Variants in SMARCA2 observed in about 807,000 individuals in gnomAD.
SMARCA2 encodes SWI/SNF related BAF chromatin remodeling complex subunit ATPase 2.
In SMARCA2, 61 loss-of-function variants were observed where a neutral mutation model predicts 199.8. That is an observed-to-expected ratio of 0.31 (90% CI 0.25 to 0.38). The LOEUF (loss-of-function observed/expected upper bound fraction) is 0.38, where lower values mean the gene tolerates loss of function less well. SMARCA2 is among the 10% of genes least tolerant of loss of function. The pLI is 1.00. For missense variants in SMARCA2, 1,344 were observed against 2,012.2 expected (o/e 0.67, Z 6.35); for synonymous variants, 935 against 732.0 (o/e 1.28, Z -4.48).
In SMARCA2 at chr9:2,123,859, G is replaced by A. The variant is rs780788702; in HGVS notation, c.3903G>A (p.Glu1301=). 6.8e-6 allele frequency: 11 copies of A among 1,608,420 alleles called. No individual in the cohort carries two copies. Among genetic ancestry groups the A allele is most frequent in the Non-Finnish European group, 9.3e-6 (11 of 1,177,712 alleles). Reference sequence around the variant, plus strand: ...GGCTCACCTGTGAAGAAGAGGAGGAGAAAATATTTGGGAGGGGGTCCCGCC... The same window carrying A: ...GGCTCACCTGTGAAGAAGAGGAGGAAAAAATATTTGGGAGGGGGTCCCGCC... ...VERLTCEEEE[E]KIFGRGSRQR... The change falls in exon 27 of 34, where the codon GAG becomes GAA. Residue 1301 remains glutamate (E), a synonymous_variant. Coordinates refer to ENST00000349721, the MANE Select transcript of SMARCA2 (RefSeq NM_003070.5). The surrounding 1 kb of genome is among the most constrained non-coding windows in gnomAD (Gnocchi z 4.1).
intron 3 of SMARCA2, among the ~76,000 whole-genome samples, chr9:2,033,574 A>T (rs1466002423): frequency 6.6e-6 from 1 of 152,242 alleles, no homozygotes; most frequent in African/African-American, 2.4e-5. Flanking sequence ...AGGCAGCTTT[A>T]TCTGGCAGTG....
At chr9:2,147,183 A>T (rs964087264) in intron 27 of SMARCA2, among the ~76,000 whole-genome samples, 3 of 151,592 alleles carry the variant, frequency 2.0e-5, no homozygotes, top group Admixed American at 6.6e-5. Flanking sequence ...AACTATTTAG[A>T]AAAAGTACAG....
chr9:2,069,711 A>G (rs1257013869), intron 9 of SMARCA2, among the ~76,000 whole-genome samples: 1 of 152,206 alleles, frequency 6.6e-6, no homozygotes, highest in Non-Finnish European at 1.5e-5. Context: ...ATAAAGTTTT[A>G]TATTATGTTT....
At chr9:2,148,560 A>G (rs554264163) in intron 27 of SMARCA2, among the ~76,000 whole-genome samples, 3 of 151,610 alleles carry the variant, frequency 2.0e-5, no homozygotes, top group East Asian at 3.9e-4. Context: ...TTACATATCT[A>G]TACATGTGCC....
chr9:2,178,987 G>T (rs1003338109), intron 29 of SMARCA2, among the ~76,000 whole-genome samples: 1 of 152,202 alleles, frequency 6.6e-6, no homozygotes, highest in Non-Finnish European at 1.5e-5. Context: ...AGGGGACTGA[G>T]AGTAAGTGTA....
intron 26 of SMARCA2, among the ~76,000 whole-genome samples, chr9:2,121,640 A>C (rs550097164): frequency 1.3e-5 from 2 of 152,350 alleles, no homozygotes; most frequent in East Asian, 3.9e-4. Context: ...CTATAAAATT[A>C]ATGCAAACTT....
chr9:2,175,298 C>G (rs529003259), intron 29 of SMARCA2, among the ~76,000 whole-genome samples: 1 of 149,290 alleles, frequency 6.7e-6, no homozygotes, highest in African/African-American at 2.5e-5. Flanking sequence ...TTTGAAAATG[C>G]TTGTCCCCGC....
intron 21 of SMARCA2, among the ~76,000 whole-genome samples, chr9:2,101,010 G>A (rs897809045): frequency 1.3e-5 from 2 of 152,030 alleles, no homozygotes; most frequent in Non-Finnish European, 1.5e-5. Flanking sequence ...ACGAGATCTC[G>A]TGAGACTTAT....
rs776643837 is a variant in SMARCA2 at position 2,104,196 on chromosome 9, A to C, written c.3292+27A>C. The C allele has an allele frequency of 6.3e-7, 1 of 1,595,894 alleles. No homozygotes were observed. The highest frequency in any genetic ancestry group is 1.7e-5 in the Admixed American group (1 of 58,876). On this transcript the variant is annotated intron_variant, in intron 23 of 33. Coordinates refer to ENST00000349721, the MANE Select transcript of SMARCA2 (RefSeq NM_003070.5). The surrounding 1 kb of genome is among the most constrained non-coding windows in gnomAD (Gnocchi z 4.0). ...TAAGTGCATAAGGCATTAGGCTCGG[A>C]AGCCATACTACTGAAAATGAAGGGA...
At chr9:2,103,707 TGAGA>T (rs1822631354) in intron 22 of SMARCA2, among the ~76,000 whole-genome samples, 1 of 150,896 alleles carries the variant, frequency 6.6e-6, no homozygotes, top group African/African-American at 2.4e-5. Context: ...AAGAATAAGT[TGAGA>T]GAAAGATTGA....
chr9:2,176,863 G>A (rs1318466011), intron 29 of SMARCA2, among the ~76,000 whole-genome samples: 1 of 152,016 alleles, frequency 6.6e-6, no homozygotes, highest in Non-Finnish European at 1.5e-5. Context: ...CCAACATTGG[G>A]GTGATTTTAA....
chr9:2,022,879 C>T (rs1308830901), intron 1 of SMARCA2, among the ~76,000 whole-genome samples: 1 of 152,140 alleles, frequency 6.6e-6, no homozygotes, highest in African/African-American at 2.4e-5. Context: ...TTGTTTTGAC[C>T]AGTTTGCCCA....
intron 12 of SMARCA2, among the ~76,000 whole-genome samples, chr9:2,074,866 T>C (rs1821255998): frequency 6.6e-6 from 1 of 152,178 alleles, no homozygotes; most frequent in Non-Finnish European, 1.5e-5. Flanking sequence ...TCCTGTTTTG[T>C]TGTGTTTTGT....
At chr9:2,019,497 A>C (rs1263574438) in intron 1 of SMARCA2, among the ~76,000 whole-genome samples, 3 of 95,282 alleles carry the variant, frequency 3.1e-5, no homozygotes, top group Admixed American at 3.0e-4. Flanking sequence ...TAGAATTGAC[A>C]AAAAAAAAAA....
Position 2,123,638 on chromosome 9 carries a change from T to G in SMARCA2, c.3763-81T>G, listed in dbSNP as rs1823560571. ...GGACCCTGCAGCCATAGGAAGTGAC[T>G]TGGGGAAGTTGTGTAGTGCTGGGAA... On this transcript the variant is annotated intron_variant, in intron 26 of 33. Transcript: ENST00000349721. This position sits in a 1 kb window ranked among gnomAD's most constrained non-coding sequence, Gnocchi z 4.1. 2.4e-6 allele frequency: 3 copies of G among 1,232,046 alleles called. No individual in the cohort carries two copies. Among genetic ancestry groups the G allele is most frequent in the Non-Finnish European group, 3.5e-6 (3 of 846,752 alleles). The allele number at this position is 1,232,046 out of a possible 1,614,324, so 76.3% of individuals were successfully genotyped here. A position where few individuals can be genotyped will look rare whatever the true frequency, so the allele number is the denominator to read the frequency against.
rs751683865 is a variant in SMARCA2 at position 2,181,561 on chromosome 9, C to T, written c.4254-10C>T. The stretch of plus-strand genomic sequence containing the variant: ...GTGGCTTGTTTTTGTTTGTTTCACC[C>T]ATCCTACAGTTCAGGGCGACAGCTC... On this transcript the variant is annotated splice_polypyrimidine_tract_variant and intron_variant, in intron 29 of 33. Coordinates refer to ENST00000349721, the MANE Select transcript of SMARCA2 (RefSeq NM_003070.5). The T allele has an allele frequency of 6.7e-5, 95 of 1,412,772 alleles. No homozygotes were observed. Among genetic ancestry groups the T allele is most frequent in the Admixed American group, 1.0e-4 (6 of 59,454 alleles). The allele number at this position is 1,412,772 out of a possible 1,614,324, so 87.5% of individuals were successfully genotyped here.
rs1820436666 is a variant in SMARCA2, at chr9:2,058,158, A to G, written c.1348-133A>G. 4 of 761,058 alleles carry G rather than the reference A, an allele frequency of 5.3e-6. 1 individual carries two copies. In the South Asian group the frequency reaches 6.7e-5, roughly 13 times the overall value. 47.1% of individuals were successfully genotyped at this position (761,058 alleles called of 1,614,324 possible). A position where few individuals can be genotyped will look rare whatever the true frequency, so the allele number is the denominator to read the frequency against. On this transcript the variant is annotated intron_variant, in intron 7 of 33. Coordinates refer to ENST00000349721, the MANE Select transcript of SMARCA2 (RefSeq NM_003070.5). ...TAACTGCAGAGACACCAGGGCACCTATCCCCAAACAGATTCTAGTCTTCCT... is the reference window on the plus strand; with the variant it reads ...TAACTGCAGAGACACCAGGGCACCTGTCCCCAAACAGATTCTAGTCTTCCT...
intron 27 of SMARCA2, among the ~76,000 whole-genome samples, chr9:2,124,426 T>C (rs760663100): frequency 3.2e-4 from 49 of 152,246 alleles, no homozygotes; most frequent in Non-Finnish European, 6.9e-4. Context: ...GGTTATTTTG[T>C]AGACCCATAG....
chr9:2,191,550 G>C (rs1827886208), intron 33 of SMARCA2, 142 bp downstream of exon 33: 1 of 909,504 alleles, frequency 1.1e-6, no homozygotes, highest in African/African-American at 1.7e-5. Context: ...TCATTATTGA[G>C]GGATGTGAAC....
Sources: gnomAD v4.1 joint callset for allele counts (sites outside exome capture counted in the v4.1 genomes callset) on GRCh38, gnomAD v4.1.1 for gene constraint, Gnocchi (gnomAD v3.1) non-coding constraint, MANE v1.5 for transcripts, NCBI Gene and HGNC (gene_info 2026-07-23, HGNC 2026-07-21) for gene names.